ADORA2B: variants seen among roughly 807,000 people sequenced by gnomAD.
The protein encoded by ADORA2B is adenosine receptor A2b.
ADORA2B carries 18 observed loss-of-function variants against 20.8 expected under a neutral mutation model. That is an observed-to-expected ratio of 0.87 (90% CI 0.60 to 1.29). The LOEUF (loss-of-function observed/expected upper bound fraction) is 1.29. ADORA2B is among the 50% of genes most tolerant of loss of function. ADORA2B has a pLI of 0.00. For synonymous variants in ADORA2B, 179 were observed against 178.3 expected, an observed-to-expected ratio of 1.00 and a Z score of -0.03; for missense variants, 441 against 422.7, an observed-to-expected ratio of 1.04 and a Z score of -0.38.
At chr17:15,962,612 A>G (rs964092144) in intron 1 of ADORA2B, among the ~76,000 whole-genome samples, 53 of 151,634 alleles carry the variant, frequency 3.5e-4, no homozygotes, top group African/African-American at 1.2e-3. Flanking sequence ...GCTCACCGCA[A>G]CCTCTGCCTC....
intron 1 of ADORA2B, among the ~76,000 whole-genome samples, chr17:15,961,305 G>C (rs79668444): frequency 0.011 from 1,603 of 151,794 alleles, 28 homozygotes; most frequent in African/African-American, 0.036. Flanking sequence ...TAACATTTTT[G>C]AGTTCAGGTG....
the ADORA2B span, among the ~76,000 whole-genome samples, chr17:15,867,605 C>T: frequency 2.0e-4 from 30 of 149,810 alleles, 2 homozygotes; most frequent in African/African-American, 6.5e-4. Flanking sequence ...CCAGCCACCC[C>T]GTCGGGAAGG....
the ADORA2B span, among the ~76,000 whole-genome samples, chr17:15,878,083 T>C: frequency 2.0e-5 from 3 of 152,082 alleles, no homozygotes; most frequent in Non-Finnish European, 4.4e-5. Flanking sequence ...CATTGCTATC[T>C]GCCTGGAGGC....
intron 1 of ADORA2B, among the ~76,000 whole-genome samples, chr17:15,949,452 GC>G (rs1164702581): frequency 6.6e-6 from 1 of 152,154 alleles, no homozygotes; most frequent in Non-Finnish European, 1.5e-5. Context: ...GACAGAGGTT[GC>G]CGTGAGCCAG....
At chr17:15,968,368 A>G (rs1970146581) in intron 1 of ADORA2B, among the ~76,000 whole-genome samples, 1 of 152,172 alleles carries the variant, frequency 6.6e-6, no homozygotes, top group African/African-American at 2.4e-5. Context: ...TCCTGCAACC[A>G]ACCCCCTGTG....
the ADORA2B span, among the ~76,000 whole-genome samples, chr17:15,904,048 T>G: frequency 6.6e-6 from 1 of 152,132 alleles, no homozygotes; most frequent in Non-Finnish European, 1.5e-5. Context: ...ATCTTATATA[T>G]AATTTTTAGA....
chr17:15,923,092 G>A, the ADORA2B span, among the ~76,000 whole-genome samples: 9 of 150,520 alleles, frequency 6.0e-5, no homozygotes, highest in South Asian at 2.1e-4. Context: ...GTGTGATCTC[G>A]GCTCACTGCA....
At chr17:15,954,845 G>C (rs1969947448) in intron 1 of ADORA2B, among the ~76,000 whole-genome samples, 1 of 152,240 alleles carries the variant, frequency 6.6e-6, no homozygotes, top group Non-Finnish European at 1.5e-5. Context: ...TCAGATGTCT[G>C]AAGGGGTTGC....
intron 1 of ADORA2B, among the ~76,000 whole-genome samples, chr17:15,956,212 T>G (rs1969964034): frequency 6.6e-6 from 1 of 152,228 alleles, no homozygotes; most frequent in Non-Finnish European, 1.5e-5. Flanking sequence ...TTGAAAAACA[T>G]TTTTTAGATT....
chr17:15,956,590 C>CTTTTTTTTTTT (rs11290214), intron 1 of ADORA2B, among the ~76,000 whole-genome samples: 1 of 51,420 alleles, frequency 1.9e-5, no homozygotes. Flanking sequence ...TTATGTGTGT[C>CTTTTTTTTTTT]TTTTTTTTTT....
chr17:15,921,199 G>A, the ADORA2B span, among the ~76,000 whole-genome samples: 9 of 152,232 alleles, frequency 5.9e-5, no homozygotes, highest in African/African-American at 2.2e-4. Context: ...AGCTGAGCCT[G>A]GGGATTTGGC....
At chr17:15,892,902 A>G in the ADORA2B span, among the ~76,000 whole-genome samples, 25 of 152,122 alleles carry the variant, frequency 1.6e-4, no homozygotes, top group African/African-American at 6.0e-4. Context: ...TAACCAGGCA[A>G]TCAAGGCAAG....
chr17:15,875,452 G>C, the ADORA2B span, among the ~76,000 whole-genome samples: 1 of 152,176 alleles, frequency 6.6e-6, no homozygotes. Context: ...TGTGTACCTG[G>C]AGTTCACATT....
the ADORA2B span, among the ~76,000 whole-genome samples, chr17:15,852,463 T>G: frequency 1.8e-3 from 278 of 152,068 alleles, 1 homozygote; most frequent in African/African-American, 6.5e-3. Context: ...TATAGCCACA[T>G]TAAAAAAATA....
chr17:15,970,486 G>A (rs747905486), intron 1 of ADORA2B, among the ~76,000 whole-genome samples: 2 of 151,976 alleles, frequency 1.3e-5, no homozygotes, highest in African/African-American at 2.4e-5. Flanking sequence ...ATATAAAATC[G>A]CTTTAAAAAA....
the ADORA2B span, among the ~76,000 whole-genome samples, chr17:15,939,859 C>CAAA: frequency 5.9e-3 from 290 of 49,056 alleles, no homozygotes; most frequent in Middle Eastern, 8.8e-3. Flanking sequence ...GACTCTGTCT[C>CAAA]AAAAAAAAAA....
Position 15,975,102 on chromosome 17 carries a change from T to TAG in ADORA2B, c.760_761insGA (p.Asn254ArgfsTer20), listed in dbSNP as rs1416448804. 9 of 1,614,166 alleles carry TAG rather than the reference T, an allele frequency of 5.6e-6. No individual in the cohort carries two copies. Among genetic ancestry groups the TAG allele is most frequent in the Non-Finnish European group, 7.6e-6 (9 of 1,180,032 alleles). ...TGTGCTGGTTACCTGTGCATGCTGT[T>TAG]AACTGTGTCACTCTTTTCCAGCCAG... On this transcript the variant is annotated frameshift_variant, in exon 2 of 2. Coordinates refer to ENST00000304222, the MANE Select transcript of ADORA2B (RefSeq NM_000676.4). LOFTEE classifies it high-confidence loss of function.
the ADORA2B span, among the ~76,000 whole-genome samples, chr17:15,923,836 G>T: frequency 1.3e-5 from 2 of 152,178 alleles, no homozygotes; most frequent in Admixed American, 6.5e-5. Context: ...TGCTTATGAT[G>T]ATTTGTTTTT....
chr17:15,910,614 T>G, the ADORA2B span, among the ~76,000 whole-genome samples: 213 of 152,338 alleles, frequency 1.4e-3, no homozygotes, highest in Non-Finnish European at 1.9e-3. Flanking sequence ...ATATGTAATC[T>G]TTTTGTGAGA....
Sources: allele counts gnomAD v4.1 joint callset (sites outside exome capture counted in the v4.1 genomes callset), GRCh38; gene constraint gnomAD v4.1.1; transcripts MANE v1.5; gene names NCBI Gene and HGNC (gene_info 2026-07-23, HGNC 2026-07-21).